SLC45A4: variants seen among roughly 807,000 people sequenced by gnomAD.
SLC45A4 encodes the protein polyamine-transporter SLC45A4.
A neutral mutation model predicts 63.7 loss-of-function variants in SLC45A4; 32 were observed. The observed-to-expected ratio is 0.50, with a 90% CI of 0.38 to 0.67. SLC45A4 has a LOEUF of 0.67. Among genes scored for constraint, SLC45A4 ranks in the 30% least tolerant of loss-of-function variants. The pLI is 0.00. For synonymous variants in SLC45A4, 535 were observed against 510.0 expected, an observed-to-expected ratio of 1.05 and a Z score of -0.66; for missense variants, 1,027 against 1,157.7, an observed-to-expected ratio of 0.89 and a Z score of 1.64.
chr8:141,290,736 C>T (rs2154615277), intron 1 of SLC45A4, among the ~76,000 whole-genome samples: 1 of 152,360 alleles, frequency 6.6e-6, no homozygotes, highest in East Asian at 1.9e-4. Flanking sequence ...CAGAGACAGA[C>T]CAGGCAGCCC....
intron 1 of SLC45A4, among the ~76,000 whole-genome samples, chr8:141,267,421 C>G (rs966428387): frequency 2.6e-5 from 4 of 152,236 alleles, no homozygotes; most frequent in Non-Finnish European, 2.9e-5. Context: ...TTCACAGAAG[C>G]CCTGTGCGGG....
At chr8:141,230,137 G>A (rs781482775) in intron 2 of SLC45A4, 12 of 456,002 alleles carry the variant, frequency 2.6e-5, no homozygotes, top group Admixed American at 2.4e-4. Context: ...CAACACAGCC[G>A]GCCCGGTGAG....
intron 1 of SLC45A4, among the ~76,000 whole-genome samples, chr8:141,259,178 G>A (rs1422999763): frequency 6.6e-6 from 1 of 152,226 alleles, no homozygotes; most frequent in Non-Finnish European, 1.5e-5. Context: ...CCAGCATCTG[G>A]GTGGGAAAGG....
intron 1 of SLC45A4, among the ~76,000 whole-genome samples, chr8:141,275,916 C>CT (rs112975787): frequency 0.057 from 8,255 of 144,132 alleles, 636 homozygotes; most frequent in African/African-American, 0.18. Context: ...CTAAACTTTA[C>CT]TTTTTTTTTT....
rs1050423124 is a variant in SLC45A4, at chr8:141,271,877, G to A, written c.-400-17248C>T. Among the ~76,000 whole-genome samples, 118 of 151,510 alleles carry A rather than the reference G, an allele frequency of 7.8e-4. 2 individuals are homozygous for A. Among genetic ancestry groups the A allele is most frequent in the Non-Finnish European group, 2.5e-4 (17 of 67,910 alleles). ...CACACACACACGCACTCACACACGT[G>A]CATGCAACACACACCTGCGTACACA... On this transcript the variant is annotated intron_variant, in intron 1 of 8. Transcript: ENST00000517878.
Position 141,254,687 on chromosome 8 carries a change from T to C in SLC45A4, c.-400-58A>G, listed in dbSNP as rs977315431. 4.3e-6 allele frequency: 3 copies of C among 695,256 alleles called. No individual in the cohort carries two copies. Among genetic ancestry groups the C allele is most frequent in the Middle Eastern group, 2.3e-4 (1 of 4,342 alleles). 43.1% of individuals were successfully genotyped at this position (695,256 alleles called of 1,614,324 possible). On this transcript the variant is annotated intron_variant, in intron 1 of 8. Transcript: ENST00000517878. This position sits in a 1 kb window ranked among gnomAD's most constrained non-coding sequence, Gnocchi z 4.5. ...TCAGGGGACGGCCACCAGATGGCCCTGTGGACCGCCGCCCGACCCCCGAGC... is the reference window on the plus strand; with the variant it reads ...TCAGGGGACGGCCACCAGATGGCCCCGTGGACCGCCGCCCGACCCCCGAGC...
At chr8:141,238,010 C>CA (rs1296575669) in intron 2 of SLC45A4, among the ~76,000 whole-genome samples, 1 of 152,268 alleles carries the variant, frequency 6.6e-6, no homozygotes, top group Non-Finnish European at 1.5e-5. Flanking sequence ...CATCCTTGCA[C>CA]AAGAAGTTTC....
At chr8:141,248,283 A>G (rs1380982884) in intron 2 of SLC45A4, among the ~76,000 whole-genome samples, 2 of 152,250 alleles carry the variant, frequency 1.3e-5, no homozygotes, top group African/African-American at 2.4e-5. Context: ...AGGAAAATGG[A>G]AAGGAACCTG....
intron 2 of SLC45A4, 115 bp from the exon 3 acceptor site, chr8:141,221,880 T>TC: frequency 9.2e-7 from 1 of 1,083,700 alleles, no homozygotes; most frequent in Non-Finnish European, 1.3e-6. Context: ...CATGCGCACA[T>TC]CCCCTGCTCA....
intron 2 of SLC45A4, among the ~76,000 whole-genome samples, chr8:141,251,448 C>A (rs543780769): frequency 5.9e-5 from 9 of 152,086 alleles, no homozygotes; most frequent in African/African-American, 2.2e-4. Flanking sequence ...AAGCGCCCCC[C>A]CTGCCACAGA....
At chr8:141,234,340 C>T (rs1361156505) in intron 2 of SLC45A4, among the ~76,000 whole-genome samples, 5 of 152,356 alleles carry the variant, frequency 3.3e-5, no homozygotes, top group African/African-American at 9.6e-5. Flanking sequence ...GCCACCTCCT[C>T]GTGGGCCTAG....
chr8:141,216,673 G>A (rs576068555), intron 6 of SLC45A4, among the ~76,000 whole-genome samples: 3 of 152,180 alleles, frequency 2.0e-5, no homozygotes, highest in African/African-American at 4.8e-5. Flanking sequence ...GGTGAGCCTC[G>A]CTGCAGGACG....
At chr8:141,241,796 G>A (rs1449822257) in intron 2 of SLC45A4, among the ~76,000 whole-genome samples, 3 of 152,104 alleles carry the variant, frequency 2.0e-5, no homozygotes, top group Non-Finnish European at 4.4e-5. Flanking sequence ...CACTAGGAGG[G>A]ACCACTGCTT....
At chr8:141,282,934 G>A (rs1007941060) in intron 1 of SLC45A4, among the ~76,000 whole-genome samples, 1 of 152,232 alleles carries the variant, frequency 6.6e-6, no homozygotes, top group Admixed American at 6.5e-5. Context: ...GCGGCCTCGT[G>A]CCTAGGCCAT....
Position 141,256,786 on chromosome 8 carries a change from C to T in SLC45A4, c.-400-2157G>A, listed in dbSNP as rs1828813373. 2.8e-6 allele frequency: 1 copy of T among 354,270 alleles called. No individual in the cohort carries two copies. The allele number at this position is 354,270 out of a possible 1,614,324, so 21.9% of individuals were successfully genotyped here. A position where few individuals can be genotyped will look rare whatever the true frequency, so the allele number is the denominator to read the frequency against. On this transcript the variant is annotated intron_variant, in intron 1 of 8. Coordinates refer to ENST00000517878, the MANE Select transcript of SLC45A4 (RefSeq NM_001286646.2). This position sits in a 1 kb window ranked among gnomAD's most constrained non-coding sequence, Gnocchi z 4.3. ...TTCCAAATGTCCTCTACCGTAGAAA[C>T]ATCTCAATTAAAACAAGAGTTTCCA...
intron 1 of SLC45A4, among the ~76,000 whole-genome samples, chr8:141,298,271 TAAG>T (rs779897368): frequency 1.3e-5 from 2 of 152,272 alleles, no homozygotes; most frequent in African/African-American, 2.4e-5. Flanking sequence ...AAGAAGTTTT[TAAG>T]AAGAACATTC....
intron 2 of SLC45A4, among the ~76,000 whole-genome samples, chr8:141,232,351 G>C (rs1458562111): frequency 1.3e-5 from 2 of 152,258 alleles, no homozygotes; most frequent in East Asian, 1.9e-4. Flanking sequence ...TTTATGGTTT[G>C]AATTAGGGAC....
chr8:141,267,260 G>T (rs1205043383), intron 1 of SLC45A4, among the ~76,000 whole-genome samples: 1 of 152,258 alleles, frequency 6.6e-6, no homozygotes, highest in East Asian at 1.9e-4. Flanking sequence ...GCAGCTCTGG[G>T]AAGCCGGCAG....
intron 1 of SLC45A4, among the ~76,000 whole-genome samples, chr8:141,287,157 C>T (rs775942386): frequency 2.6e-5 from 4 of 152,168 alleles, no homozygotes; most frequent in East Asian, 3.8e-4. Context: ...AAACCACACA[C>T]GAAGGTGTGT....
Sources: allele counts gnomAD v4.1 joint callset (sites outside exome capture counted in the v4.1 genomes callset), GRCh38; gene constraint gnomAD v4.1.1; non-coding constraint Gnocchi (gnomAD v3.1); transcripts MANE v1.5; gene names NCBI Gene and HGNC (gene_info 2026-07-23, HGNC 2026-07-21).